The following TMPRSS11A variants were observed in gnomAD, a reference collection of about 807,000 sequenced individuals.
TMPRSS11A encodes the protein transmembrane protease serine 11A.
In TMPRSS11A, 53 loss-of-function variants were observed where a neutral mutation model predicts 58.9. The ratio of observed to expected loss-of-function variants is 0.90; its 90% CI spans 0.72 to 1.13. The LOEUF (loss-of-function observed/expected upper bound fraction) is 1.13, where lower values mean the gene tolerates loss of function less well. TMPRSS11A is among the 50% of genes most tolerant of loss of function. TMPRSS11A has a pLI of 0.00. For missense variants in TMPRSS11A, 493 were observed against 499.3 expected, an observed-to-expected ratio of 0.99 and a Z score of 0.12; for synonymous variants, 167 against 169.8, an observed-to-expected ratio of 0.98 and a Z score of 0.13.
At chr4:67,960,938 G>A (rs1721408203) in intron 1 of TMPRSS11A, among the ~76,000 whole-genome samples, 2 of 152,200 alleles carry the variant, frequency 1.3e-5, no homozygotes, top group African/African-American at 4.8e-5. Flanking sequence ...CTCACCTGAA[G>A]AAGTCATTTG....
intron 1 of TMPRSS11A, among the ~76,000 whole-genome samples, chr4:67,955,885 C>T (rs553908744): frequency 6.6e-6 from 1 of 152,152 alleles, no homozygotes; most frequent in East Asian, 1.9e-4. Context: ...TAAAATAATG[C>T]AAATAACAAA....
intron 1 of TMPRSS11A, among the ~76,000 whole-genome samples, chr4:67,959,324 AG>A (rs1414822788): frequency 2.7e-5 from 4 of 149,356 alleles, no homozygotes; most frequent in African/African-American, 4.9e-5. Context: ...GAATTCCAAA[AG>A]CAATTGCAAC....
intron 7 of TMPRSS11A, 105 bp from the exon 8 acceptor site, chr4:67,919,337 A>T (rs1280385590): frequency 7.8e-6 from 8 of 1,020,000 alleles, no homozygotes; most frequent in Non-Finnish European, 1.1e-5. Flanking sequence ...TCCTGAGAAT[A>T]CTTGGCTGCA....
chr4:67,914,190 T>C (rs547317827), intron 9 of TMPRSS11A, among the ~76,000 whole-genome samples: 85 of 152,364 alleles, frequency 5.6e-4, no homozygotes, highest in Non-Finnish European at 1.1e-3. Flanking sequence ...TCAGGCCTTA[T>C]TTACGTCTCA....
At chr4:67,941,203 C>T (rs1577865100) in intron 3 of TMPRSS11A, among the ~76,000 whole-genome samples, 1 of 152,162 alleles carries the variant, frequency 6.6e-6, no homozygotes, top group Non-Finnish European at 1.5e-5. Flanking sequence ...TGCAACCTGT[C>T]TTCCTTGGTT....
chr4:67,962,120 T>C (rs1721444167), intron 1 of TMPRSS11A, among the ~76,000 whole-genome samples: 1 of 152,166 alleles, frequency 6.6e-6, no homozygotes, highest in Non-Finnish European at 1.5e-5. Flanking sequence ...AAAATAATTT[T>C]TTAACAGTCA....
At chr4:67,948,617 A>T (rs2319692) in intron 1 of TMPRSS11A, among the ~76,000 whole-genome samples, 86 of 152,292 alleles carry the variant, frequency 5.6e-4, no homozygotes, top group African/African-American at 1.9e-3. Flanking sequence ...TATTGACCAT[A>T]TGTGCACCGA....
At chr4:67,933,893 T>C (rs1720689993) in intron 3 of TMPRSS11A, among the ~76,000 whole-genome samples, 1 of 152,218 alleles carries the variant, frequency 6.6e-6, no homozygotes, top group South Asian at 2.1e-4. Flanking sequence ...CAACCACATT[T>C]GATTCCTGGC....
chr4:67,930,074 G>C, intron 4 of TMPRSS11A, 34 bp from the exon 5 acceptor site: 1 of 1,582,242 alleles, frequency 6.3e-7, no homozygotes, highest in East Asian at 2.3e-5. Context: ...CATTTTCAAA[G>C]AATACACCTG....
At chr4:67,938,525 T>C (rs1720806316) in intron 3 of TMPRSS11A, among the ~76,000 whole-genome samples, 1 of 152,104 alleles carries the variant, frequency 6.6e-6, no homozygotes, top group Non-Finnish European at 1.5e-5. Context: ...TCTTCTAGGG[T>C]TCTTGTATTA....
chr4:67,933,761 CA>C (rs1165489498), intron 3 of TMPRSS11A, among the ~76,000 whole-genome samples: 1 of 151,824 alleles, frequency 6.6e-6, no homozygotes. Flanking sequence ...TGAGGGATTC[CA>C]AAAAATAAAA....
At chr4:67,962,960 G>T (rs78269620) in intron 1 of TMPRSS11A, among the ~76,000 whole-genome samples, 222 of 152,218 alleles carry the variant, frequency 1.5e-3, no homozygotes, top group African/African-American at 5.0e-3. Context: ...GTCCCACAAG[G>T]ACCCACCATA....
intron 8 of TMPRSS11A, among the ~76,000 whole-genome samples, chr4:67,916,107 G>A (rs1560562469): frequency 6.6e-6 from 1 of 152,046 alleles, no homozygotes; most frequent in Non-Finnish European, 1.5e-5. Context: ...GTATTCTTGA[G>A]AAACGCTACA....
At chr4:67,955,499 G>C (rs1002303599) in intron 1 of TMPRSS11A, among the ~76,000 whole-genome samples, 1 of 152,116 alleles carries the variant, frequency 6.6e-6, no homozygotes, top group Non-Finnish European at 1.5e-5. Context: ...AAAAGGAATT[G>C]TTTGTATTCA....
chr4:67,920,549 AT>A lies in TMPRSS11A; in HGVS notation c.693-1318del, dbSNP rs1553922035. On this transcript the variant is annotated intron_variant, in intron 7 of 9. Coordinates refer to ENST00000508048, the MANE Select transcript of TMPRSS11A (RefSeq NM_001114387.2). ...TAATTATATATATATATATATATAT[AT>A]TTTTTTTTATATATACACACACACA... Among the ~76,000 whole-genome samples the A allele has an allele frequency of 2.1e-3, 279 of 130,878 alleles. 1 individual carries two copies. The Middle Eastern group carries it at 0.023, about 11-fold the overall frequency. The allele number at this position is 130,878 out of a possible 152,430, so 85.9% of individuals were successfully genotyped here. A position where few individuals can be genotyped will look rare whatever the true frequency, so the allele number is the denominator to read the frequency against.
intron 3 of TMPRSS11A, among the ~76,000 whole-genome samples, chr4:67,941,140 C>A (rs1720871602): frequency 6.6e-6 from 1 of 152,178 alleles, no homozygotes; most frequent in Non-Finnish European, 1.5e-5. Flanking sequence ...TTTACTTTTG[C>A]ATCTCAATTT....
At chr4:67,962,057 G>A (rs2109776743) in intron 1 of TMPRSS11A, among the ~76,000 whole-genome samples, 1 of 152,162 alleles carries the variant, frequency 6.6e-6, no homozygotes, top group South Asian at 2.1e-4. Context: ...ACATGGATAT[G>A]CATTTTCACA....
intron 1 of TMPRSS11A, 129 bp from the exon 2 acceptor site, chr4:67,946,700 T>A (rs1238826316): frequency 2.2e-6 from 2 of 916,652 alleles, no homozygotes; most frequent in Middle Eastern, 2.3e-4. Context: ...TTTTGTTCAA[T>A]GTCATCTTGG....
intron 1 of TMPRSS11A, among the ~76,000 whole-genome samples, chr4:67,951,059 G>C (rs1721144866): frequency 6.6e-6 from 1 of 152,216 alleles, no homozygotes; most frequent in Non-Finnish European, 1.5e-5. Flanking sequence ...AAGGATGTGA[G>C]TCCCCAGAGT....
Sources: allele counts gnomAD v4.1 joint callset (sites outside exome capture counted in the v4.1 genomes callset), GRCh38; gene constraint gnomAD v4.1.1; transcripts MANE v1.5; gene names NCBI Gene and HGNC (gene_info 2026-07-23, HGNC 2026-07-21).